Variants in CCDC178 observed in about 807,000 individuals in gnomAD.
CCDC178 encodes coiled-coil domain containing 178.
Under a neutral mutation model 117.4 loss-of-function variants are expected in CCDC178, and 126 were observed. The ratio of observed to expected loss-of-function variants is 1.07; its 90% CI spans 0.93 to 1.24. The LOEUF (loss-of-function observed/expected upper bound fraction) is 1.24. CCDC178 is among the 50% of genes most tolerant of loss of function. The pLI is 0.00. For synonymous variants in CCDC178, 283 were observed against 313.4 expected, an observed-to-expected ratio of 0.90 and a Z score of 1.02; for missense variants, 1,030 against 986.9, an observed-to-expected ratio of 1.04 and a Z score of -0.59.
intron 22 of CCDC178, among the ~76,000 whole-genome samples, chr18:32,960,262 C>T (rs1205394518): frequency 6.6e-6 from 1 of 151,972 alleles, no homozygotes; most frequent in Non-Finnish European, 1.5e-5. Flanking sequence ...TCAAAATCTT[C>T]CAGATATTTT....
intron 14 of CCDC178, among the ~76,000 whole-genome samples, chr18:33,250,442 T>TAA (rs56192904): frequency 0.91 from 137,469 of 151,558 alleles, 62,501 homozygotes; most frequent in East Asian, 1. Flanking sequence ...GCCTAAAAAA[T>TAA]AGACTGGGGA....
intron 20 of CCDC178, among the ~76,000 whole-genome samples, chr18:33,095,053 T>C (rs774234773): frequency 1.3e-5 from 2 of 152,028 alleles, no homozygotes; most frequent in African/African-American, 2.4e-5. Context: ...TAAATGTAAA[T>C]GACACAAATG....
intron 21 of CCDC178, among the ~76,000 whole-genome samples, chr18:33,040,164 T>A (rs529865875): frequency 6.6e-6 from 1 of 152,008 alleles, no homozygotes; most frequent in South Asian, 2.1e-4. Flanking sequence ...AACAGTAGGA[T>A]GATGTGAAAA....
intron 11 of CCDC178, among the ~76,000 whole-genome samples, chr18:33,305,173 T>G (rs1180757647): frequency 6.6e-6 from 1 of 152,180 alleles, no homozygotes; most frequent in Non-Finnish European, 1.5e-5. Context: ...TTTGGGAAGC[T>G]TTTTTACATG....
At chr18:33,109,111 C>T (rs975399603) in intron 20 of CCDC178, among the ~76,000 whole-genome samples, 1 of 151,616 alleles carries the variant, frequency 6.6e-6, no homozygotes, top group South Asian at 2.1e-4. Context: ...AAGTAAGATT[C>T]AAGTATGACA....
At chr18:33,310,528 A>C (rs2062326343) in intron 11 of CCDC178, among the ~76,000 whole-genome samples, 1 of 151,840 alleles carries the variant, frequency 6.6e-6, no homozygotes, top group Admixed American at 6.6e-5. Flanking sequence ...TCGCTACAAG[A>C]AACAAAAATT....
At chr18:33,136,391 C>A (rs2058126540) in intron 20 of CCDC178, among the ~76,000 whole-genome samples, 1 of 152,112 alleles carries the variant, frequency 6.6e-6, no homozygotes, top group South Asian at 2.1e-4. Context: ...CATAATGACA[C>A]TATGAGGTAG....
intron 10 of CCDC178, among the ~76,000 whole-genome samples, chr18:33,329,347 T>C (rs2145036180): frequency 6.6e-6 from 1 of 152,314 alleles, no homozygotes; most frequent in East Asian, 1.9e-4. Flanking sequence ...GTAGTAAAAC[T>C]GGGTATCCTT....
At chr18:33,426,482 A>T (rs2064126928) in intron 2 of CCDC178, among the ~76,000 whole-genome samples, 1 of 152,230 alleles carries the variant, frequency 6.6e-6, no homozygotes, top group Non-Finnish European at 1.5e-5. Context: ...AAAAATATTA[A>T]ATCATACATT....
chr18:33,081,025 A>G (rs750161662), intron 21 of CCDC178, among the ~76,000 whole-genome samples: 17 of 152,286 alleles, frequency 1.1e-4, no homozygotes, highest in Middle Eastern at 3.4e-3. Context: ...AAACTTGTCC[A>G]AGACTCCCTA....
chr18:33,330,130 G>A (rs973626530), intron 10 of CCDC178, among the ~76,000 whole-genome samples: 2 of 151,740 alleles, frequency 1.3e-5, no homozygotes, highest in African/African-American at 2.4e-5. Flanking sequence ...TCTCTCTGAG[G>A]AAGTATTTGG....
intron 5 of CCDC178, among the ~76,000 whole-genome samples, chr18:33,379,132 ATATTT>A (rs2063402606): frequency 7.3e-6 from 1 of 137,904 alleles, no homozygotes; most frequent in East Asian, 2.1e-4. Context: ...TATAATATAT[ATATTT>A]CCATATATAT....
intron 10 of CCDC178, among the ~76,000 whole-genome samples, chr18:33,327,050 A>AAAT (rs2062593904): frequency 6.6e-6 from 1 of 152,212 alleles, no homozygotes; most frequent in Non-Finnish European, 1.5e-5. Context: ...CATAATAAAA[A>AAAT]AATAATAATT....
chr18:33,099,087 T>G (rs144306645), intron 20 of CCDC178, among the ~76,000 whole-genome samples: 1 of 152,178 alleles, frequency 6.6e-6, no homozygotes, highest in East Asian at 1.9e-4. Flanking sequence ...CTTGGCCCCT[T>G]AGGAACAGTA....
chr18:33,277,449 A>G (rs1420369507), intron 12 of CCDC178, among the ~76,000 whole-genome samples: 1 of 152,172 alleles, frequency 6.6e-6, no homozygotes, highest in Non-Finnish European at 1.5e-5. Context: ...TTGGAATAGT[A>G]TCATCTTATT....
chr18:32,999,093 C>T (rs758072026), intron 21 of CCDC178, among the ~76,000 whole-genome samples: 6 of 152,018 alleles, frequency 3.9e-5, no homozygotes, highest in Non-Finnish European at 7.4e-5. Flanking sequence ...CCCTGGACCA[C>T]AGGGGAGACC....
intron 20 of CCDC178, among the ~76,000 whole-genome samples, chr18:33,175,099 A>T (rs113412078): frequency 6.7e-6 from 1 of 149,684 alleles, no homozygotes; most frequent in Non-Finnish European, 1.5e-5. Flanking sequence ...GCTGGTCTCT[A>T]ACTCCTGACC....
chr18:33,281,160 T>A (rs2060021541), intron 12 of CCDC178, among the ~76,000 whole-genome samples: 1 of 151,274 alleles, frequency 6.6e-6, no homozygotes, highest in Non-Finnish European at 1.5e-5. Context: ...AATGGATAGA[T>A]TCATTTAAGA....
At chr18:32,942,564 T>C (rs2054264593) in intron 22 of CCDC178, among the ~76,000 whole-genome samples, 1 of 152,150 alleles carries the variant, frequency 6.6e-6, no homozygotes, top group South Asian at 2.1e-4. Context: ...CTGACTGACA[T>C]GATATGGGAG....
Sources: allele counts gnomAD v4.1 joint callset (sites outside exome capture counted in the v4.1 genomes callset), GRCh38; gene constraint gnomAD v4.1.1; transcripts MANE v1.5; gene names NCBI Gene and HGNC (gene_info 2026-07-23, HGNC 2026-07-21).